The following CACNA1H variants were observed in gnomAD, a reference collection of about 807,000 sequenced individuals.
CACNA1H encodes the protein voltage-dependent T-type calcium channel subunit alpha-1H.
CACNA1H carries 149 observed loss-of-function variants against 192.5 expected under a neutral mutation model. The ratio of observed to expected loss-of-function variants is 0.77; its 90% CI spans 0.68 to 0.89. The LOEUF is 0.89. CACNA1H is among the 40% of genes least tolerant of loss of function. The pLI is 0.00. For synonymous variants in CACNA1H, 2,202 were observed against 1,475.2 expected (o/e 1.49, Z -11.29); for missense variants, 4,257 against 3,423.5 (o/e 1.24, Z -6.08).
chr16:1,187,531 G>A (rs118130413), intron 2 of CACNA1H, among the ~76,000 whole-genome samples: 250 of 152,350 alleles, frequency 1.6e-3, no homozygotes, highest in Middle Eastern at 3.4e-3. Flanking sequence ...GCCTAATGGG[G>A]CTCAGCTGGC....
At chr16:1,186,501 C>T (rs977205150) in intron 2 of CACNA1H, among the ~76,000 whole-genome samples, 2 of 152,090 alleles carry the variant, frequency 1.3e-5, no homozygotes, top group East Asian at 1.9e-4. Flanking sequence ...TGAGTGCCCT[C>T]GTCTTGTCCC....
intron 2 of CACNA1H, among the ~76,000 whole-genome samples, chr16:1,158,233 GAC>G (rs1377450882): frequency 1.3e-5 from 2 of 152,202 alleles, no homozygotes; most frequent in Non-Finnish European, 2.9e-5. Flanking sequence ...AGGAAGCAGA[GAC>G]ACAGATGGGG....
intron 2 of CACNA1H, chr16:1,160,011 C>G (rs185284622): frequency 1.9e-4 from 29 of 151,956 alleles, no homozygotes; most frequent in African/African-American, 6.1e-4. Flanking sequence ...GGGGTCAGGA[C>G]AGGAGGAATG....
At position 1,202,330 on chromosome 16, in the gene CACNA1H, G is replaced by A. The variant is rs1453581368; in HGVS notation, c.1880G>A (p.Ser627Asn). ...TCAGGGGTGGGCAGCGGCAAAGGCA[G>A]CACCAGCCCCGGACCCAAGGGGAAG... ...LPSGVGSGKG[S>N]TSPGPKGKWA... The change falls in exon 9 of 35, where the codon AGC (serine) becomes AAC (asparagine). Residue 627 changes from serine (S) to asparagine (N), a missense_variant. Physicochemically the swap from Ser to Asn is conservative, Grantham distance 46. Coordinates refer to ENST00000348261, the MANE Select transcript of CACNA1H (RefSeq NM_021098.3). The A allele has an allele frequency of 2.5e-6, 4 of 1,579,170 alleles. No individual in the cohort carries two copies. The highest frequency in any genetic ancestry group is 3.4e-6 in the Non-Finnish European group (4 of 1,164,888).
intron 6 of CACNA1H, 36 bp downstream of exon 6, chr16:1,198,810 GATGGCCCTGCCCAC>G: frequency 6.3e-7 from 1 of 1,579,716 alleles, no homozygotes; most frequent in Non-Finnish European, 8.6e-7. Flanking sequence ...CCCCTGCCCA[GATGGCCCTGCCCAC>G]CATGCAGATA....
At chr16:1,188,031 T>C (rs1296487747) in intron 2 of CACNA1H, among the ~76,000 whole-genome samples, 2 of 152,190 alleles carry the variant, frequency 1.3e-5, no homozygotes, top group East Asian at 3.9e-4. Flanking sequence ...GCATAAAACC[T>C]GTCAGCGCCA....
intron 2 of CACNA1H, among the ~76,000 whole-genome samples, chr16:1,162,206 C>G (rs1963273975): frequency 2.0e-5 from 3 of 152,124 alleles, no homozygotes; most frequent in Admixed American, 2.0e-4. Flanking sequence ...CCTCTGGCCT[C>G]CAGAGCCCCA....
At position 1,181,485 on chromosome 16, in the gene CACNA1H, G is replaced by A. The variant is rs376763204; in HGVS notation, c.300-13487G>A. 5.3e-5 allele frequency among the ~76,000 whole-genome samples: 8 copies of A among 152,348 alleles called. No individual in the cohort carries two copies. The East Asian group carries it at 7.7e-4, about 15-fold the overall frequency. On this transcript the variant is annotated intron_variant, in intron 2 of 34. Coordinates refer to ENST00000348261, the MANE Select transcript of CACNA1H (RefSeq NM_021098.3). The stretch of plus-strand genomic sequence containing the variant: ...TGGTCGTGCCCCCGAGGTCCTTGCC[G>A]GTGTGGCTGCACGCTGCCACCAAGT...
At position 1,213,943 on chromosome 16, in the gene CACNA1H, G is replaced by A. The variant is rs1347668132; in HGVS notation, c.4929+12G>A. ...ATAACCAACCCAAGGTGGGTGCGAG[G>A]GGGCCGCGAGGGGCCCAGGGGCTGG... On this transcript the variant is annotated intron_variant, in intron 27 of 34. Transcript: ENST00000348261. The A allele has an allele frequency of 4.4e-6, 7 of 1,602,674 alleles. No individual in the cohort carries two copies. The highest frequency in any genetic ancestry group is 1.1e-5 in the South Asian group (1 of 89,138).
At chr16:1,212,697 G>A (rs1226743557) in intron 26 of CACNA1H, among the ~76,000 whole-genome samples, 169 bp downstream of exon 26, 1 of 152,216 alleles carries the variant, frequency 6.6e-6, no homozygotes, top group Non-Finnish European at 1.5e-5. Context: ...TGTCCGGGCT[G>A]CTGTGTGCGT....
Position 1,218,301 on chromosome 16 carries a change from T to G in CACNA1H, c.5537T>G (p.Val1846Gly). 1 of 1,554,838 alleles carries G rather than the reference T, an allele frequency of 6.4e-7. No individual in the cohort carries two copies. The change falls in exon 33 of 35, where the codon GTG becomes GGG. Residue 1846 changes from valine to glycine, a missense_variant. Transcript: ENST00000348261. ...GTCTACTTCGTGACCTTCGTGCTGG[T>G]GGCCCAGTTCGTGCTGGTGAACGTG... ...SPVYFVTFVLVAQFVLVNVVV... is the reference protein window; with the variant it reads ...SPVYFVTFVLGAQFVLVNVVV...
chr16:1,192,191 C>A (rs1048304234), intron 2 of CACNA1H, among the ~76,000 whole-genome samples: 2 of 152,230 alleles, frequency 1.3e-5, no homozygotes, highest in Admixed American at 6.5e-5. Context: ...GCACCCAGGC[C>A]CCCTCCTGGC....
intron 1 of CACNA1H, 109 bp from the exon 2 acceptor site, chr16:1,153,611 G>C: frequency 3.1e-6 from 2 of 650,394 alleles, no homozygotes; most frequent in Non-Finnish European, 4.2e-6. Context: ...TCTCTAATAA[G>C]AAAAGACAAA....
chr16:1,210,730 C>T (rs1969340140), intron 20 of CACNA1H, 57 bp from the exon 21 acceptor site: 1 of 1,583,790 alleles, frequency 6.3e-7, no homozygotes, highest in Non-Finnish European at 8.5e-7. Flanking sequence ...AGCAGCGCGC[C>T]AGCTCCCCAG....
At chr16:1,183,860 G>T (rs1037198038) in intron 2 of CACNA1H, among the ~76,000 whole-genome samples, 1 of 152,234 alleles carries the variant, frequency 6.6e-6, no homozygotes, top group Non-Finnish European at 1.5e-5. Flanking sequence ...CAAACATCTG[G>T]CTCCAGAATT....
chr16:1,210,330 G>GCCCCCCC, intron 18 of CACNA1H, 40 bp from the exon 19 acceptor site: 3 of 1,407,118 alleles, frequency 2.1e-6, no homozygotes, highest in Admixed American at 2.0e-5. Context: ...TGCCATCCAC[G>GCCCCCCC]CCGCCCCGCC....
chr16:1,185,711 C>T (rs1261875757), intron 2 of CACNA1H, among the ~76,000 whole-genome samples: 2 of 12,500 alleles, frequency 1.6e-4, no homozygotes, highest in Non-Finnish European at 3.9e-4. Context: ...GGTCGGCGTG[C>T]GTAGGGGCCG....
chr16:1,173,606 G>T (rs1964581135), intron 2 of CACNA1H, among the ~76,000 whole-genome samples: 1 of 152,250 alleles, frequency 6.6e-6, no homozygotes, highest in African/African-American at 2.4e-5. Flanking sequence ...TAAAAACTCA[G>T]TGAGAAGAGG....
At chr16:1,182,583 G>A (rs1330564885) in intron 2 of CACNA1H, among the ~76,000 whole-genome samples, 3 of 152,162 alleles carry the variant, frequency 2.0e-5, no homozygotes, top group African/African-American at 4.8e-5. Context: ...AAGTCCAGGC[G>A]GCTGGCTCCG....
Sources: gnomAD v4.1 joint callset for allele counts (sites outside exome capture counted in the v4.1 genomes callset) on GRCh38, gnomAD v4.1.1 for gene constraint, MANE v1.5 for transcripts, NCBI Gene and HGNC (gene_info 2026-07-23, HGNC 2026-07-21) for gene names.